ZNF385D: variants seen among roughly 807,000 people sequenced by gnomAD.
ZNF385D encodes the protein zinc finger protein 659.
ZNF385D carries 15 observed loss-of-function variants against 35.8 expected under a neutral mutation model. The ratio of observed to expected loss-of-function variants is 0.42; its 90% CI spans 0.28 to 0.64. The LOEUF (loss-of-function observed/expected upper bound fraction) is 0.64, where lower values mean the gene tolerates loss of function less well. Ranked by LOEUF, ZNF385D falls within the 30% of genes least tolerant of loss-of-function variation. The pLI is 0.23. For missense variants in ZNF385D, 474 were observed against 494.6 expected, an observed-to-expected ratio of 0.96 and a Z score of 0.39; for synonymous variants, 212 against 186.8, an observed-to-expected ratio of 1.13 and a Z score of -1.10.
intron 2 of ZNF385D, among the ~76,000 whole-genome samples, chr3:22,263,299 A>C (rs1700729219): frequency 6.6e-6 from 1 of 151,940 alleles, no homozygotes. Context: ...TCTCAATCAT[A>C]AGCTTGTTCC....
chr3:21,591,830 A>G (rs1428261253), intron 2 of ZNF385D, among the ~76,000 whole-genome samples: 1 of 152,096 alleles, frequency 6.6e-6, no homozygotes, highest in Non-Finnish European at 1.5e-5. Flanking sequence ...TCCAATATCT[A>G]GCCTAGGAAC....
At chr3:22,149,401 T>G (rs1705081179) in intron 3 of ZNF385D, among the ~76,000 whole-genome samples, 1 of 152,192 alleles carries the variant, frequency 6.6e-6, no homozygotes, top group Non-Finnish European at 1.5e-5. Context: ...TTAAAATTAT[T>G]GCTTCTGATA....
At chr3:21,446,345 G>A (rs79505217) in intron 4 of ZNF385D, among the ~76,000 whole-genome samples, 3,896 of 152,214 alleles carry the variant, frequency 0.026, 142 homozygotes, top group Admixed American at 0.09. Flanking sequence ...AGGGAACTGA[G>A]GGAGTTCCTG....
In ZNF385D at chr3:21,933,241, C is replaced by T. The variant is rs1701100838; in HGVS notation, c.325+235576G>A. Among the ~76,000 whole-genome samples, 5 of 152,160 alleles carry T rather than the reference C, an allele frequency of 3.3e-5. No individual in the cohort carries two copies. In the South Asian group the frequency reaches 1.0e-3, roughly 31 times the overall value. Reference sequence around the variant, plus strand: ...TGCTTTTTCTCTTTTCCCTCCACACCTGAATCTTCTCTAGATCTGTGAAAT... The same window carrying T: ...TGCTTTTTCTCTTTTCCCTCCACACTTGAATCTTCTCTAGATCTGTGAAAT... On this transcript the variant is annotated intron_variant, in intron 3 of 5. Transcript: ENST00000494108.
rs2086355 is a variant in ZNF385D at position 22,028,500 on chromosome 3, G to A, written c.325+140317C>T. Among the ~76,000 whole-genome samples, 76 of 152,288 alleles carry A rather than the reference G, an allele frequency of 5.0e-4. 2 individuals are homozygous for A. In the South Asian group the frequency reaches 0.013, roughly 27 times the overall value. ...AGCCCTCAATATGGCACCATTCCTC[G>A]GGGTGATCAGCCAGCTACCTGGTGG... On this transcript the variant is annotated intron_variant, in intron 3 of 5. Transcript: ENST00000494108.
chr3:22,249,976 C>T (rs1699983370), intron 2 of ZNF385D, among the ~76,000 whole-genome samples: 1 of 152,088 alleles, frequency 6.6e-6, no homozygotes. Flanking sequence ...TATCAAATTA[C>T]CCAAAGCAAC....
At chr3:22,056,799 G>A (rs1314612300) in intron 3 of ZNF385D, among the ~76,000 whole-genome samples, 1 of 152,176 alleles carries the variant, frequency 6.6e-6, no homozygotes, top group Non-Finnish European at 1.5e-5. Context: ...CAGATTGTTT[G>A]GCTGGCCTTG....
intron 3 of ZNF385D, among the ~76,000 whole-genome samples, chr3:21,913,488 T>C (rs1365515386): frequency 6.6e-6 from 1 of 152,152 alleles, no homozygotes; most frequent in Non-Finnish European, 1.5e-5. Context: ...AGATTCCAGG[T>C]ATTATGCTCA....
At chr3:22,168,879 T>C (rs1160197315) in exon 3 of ZNF385D, 21 of 985,858 alleles carry the variant, frequency 2.1e-5, no homozygotes, top group South Asian at 4.7e-5. Context: ...TGATTTGCCA[T>C]TGTAGTGGAT....
At chr3:21,888,971 C>A (rs1159279135) in intron 3 of ZNF385D, among the ~76,000 whole-genome samples, 1 of 152,202 alleles carries the variant, frequency 6.6e-6, no homozygotes, top group Non-Finnish European at 1.5e-5. Context: ...AAAGAGGCTG[C>A]AGGTCTAGAG....
chr3:21,925,221 G>T (rs1231639376), intron 3 of ZNF385D, among the ~76,000 whole-genome samples: 3 of 152,062 alleles, frequency 2.0e-5, no homozygotes, highest in Non-Finnish European at 4.4e-5. Context: ...AAAGTGGGAG[G>T]AACAGGTTTA....
At chr3:21,444,109 T>G (rs935863802) in intron 4 of ZNF385D, among the ~76,000 whole-genome samples, 7 of 140,824 alleles carry the variant, frequency 5.0e-5, no homozygotes, top group Non-Finnish European at 7.5e-5. Flanking sequence ...AGACAGAGTC[T>G]CGCTCTGTCA....
chr3:21,675,809 T>C (rs1192300810), intron 1 of ZNF385D, among the ~76,000 whole-genome samples: 1 of 152,114 alleles, frequency 6.6e-6, no homozygotes, highest in African/African-American at 2.4e-5. Context: ...TGTTTTTCCA[T>C]AGGTATTAGA....
chr3:21,582,799 A>G (rs2063705799), intron 2 of ZNF385D, among the ~76,000 whole-genome samples: 1 of 151,362 alleles, frequency 6.6e-6, no homozygotes, highest in Non-Finnish European at 1.5e-5. Context: ...ATCCTTTGAG[A>G]TGGAGTCTCG....
At chr3:21,751,457 C>G, upstream of ZNF385D, 1 of 986,390 alleles carries the variant, frequency 1.0e-6, no homozygotes, top group Non-Finnish European at 1.2e-6. Flanking sequence ...GTGGTTAAGG[C>G]GAGTTCTGCC....
At chr3:21,769,560 T>C (rs9851385) in intron 3 of ZNF385D, among the ~76,000 whole-genome samples, 4,966 of 59,122 alleles carry the variant, frequency 0.084, 362 homozygotes, top group East Asian at 0.19. Context: ...AGGAGAACTA[T>C]AAACCACTGC....
chr3:21,722,099 C>CAAAA (rs56852209), intron 1 of ZNF385D, among the ~76,000 whole-genome samples: 6 of 112,548 alleles, frequency 5.3e-5, no homozygotes, highest in East Asian at 2.8e-4. Context: ...GACTCTGTCT[C>CAAAA]AAAAAAAAAA....
chr3:22,180,428 C>A (rs1316713342), intron 2 of ZNF385D, among the ~76,000 whole-genome samples: 2 of 152,194 alleles, frequency 1.3e-5, no homozygotes, highest in African/African-American at 2.4e-5. Context: ...CTCCCTAACT[C>A]ATTTTATGAG....
chr3:21,681,337 G>A (rs1181789070), intron 1 of ZNF385D, among the ~76,000 whole-genome samples: 1 of 108,974 alleles, frequency 9.2e-6, no homozygotes, highest in Non-Finnish European at 1.9e-5. Flanking sequence ...TACATTTTTG[G>A]CACATGGGAA....
Sources: gnomAD v4.1 joint callset for allele counts (sites outside exome capture counted in the v4.1 genomes callset) on GRCh38, gnomAD v4.1.1 for gene constraint, MANE v1.5 for transcripts, NCBI Gene and HGNC (gene_info 2026-07-23, HGNC 2026-07-21) for gene names.